The following RNF31 variants were observed in gnomAD, a reference collection of about 807,000 sequenced individuals.
RNF31 encodes the protein ring finger protein 31.
RNF31 carries 38 observed loss-of-function variants against 133.6 expected under a neutral mutation model. The ratio of observed to expected loss-of-function variants is 0.28; its 90% CI spans 0.22 to 0.37. The LOEUF (loss-of-function observed/expected upper bound fraction) is 0.37. Among genes scored for constraint, RNF31 ranks in the 10% least tolerant of loss-of-function variants. The pLI is 1.00. For synonymous variants in RNF31, 582 were observed against 552.3 expected, an observed-to-expected ratio of 1.05 and a Z score of -0.75; for missense variants, 1,118 against 1,394.1, an observed-to-expected ratio of 0.80 and a Z score of 3.15.
At position 24,148,448 on chromosome 14, in the gene RNF31, A is replaced by AC. The variant is rs780789809; in HGVS notation, c.495+37dup. The AC allele has an allele frequency of 6.8e-6, 11 of 1,613,576 alleles. No individual in the cohort carries two copies. In the South Asian group the frequency reaches 1.2e-4, roughly 18 times the overall value. On this transcript the variant is annotated intron_variant, in intron 3 of 20. Coordinates refer to ENST00000324103, the MANE Select transcript of RNF31 (RefSeq NM_017999.5). ...TCCTCTAGTCTTGATGGACTTATGC[A>AC]CCAGGGCTGGGGAGCCCAGCCTAAC...
chr14:24,151,195 A>G lies in RNF31; in HGVS notation c.1553A>G (p.Glu518Gly), dbSNP rs2038260369. The G allele has an allele frequency of 6.2e-7, 1 of 1,614,006 alleles. No homozygotes were observed. The highest frequency in any genetic ancestry group is 1.3e-5 in the African/African-American group (1 of 74,920). Residue 518 changes from glutamate to glycine, a missense_variant, in exon 9 of 21, where the codon GAG becomes GGG. By Grantham distance (98) the Glu-to-Gly change is moderately conservative. This residue lies in a region of RNF31 where 747 missense variants were observed against 827.9 expected (regional missense o/e 0.90). Transcript: ENST00000324103. The surrounding 1 kb of genome is among the most constrained non-coding windows in gnomAD (Gnocchi z 5.3). ...IFSALQYSGT[E>G]VPLQWLRSEL... ...TCGGCTCTGCAGTACTCGGGCACTG[A>G]GGTGCCTCTGCAGTGGTTGCGCTCA...
upstream of RNF31, chr14:24,147,394 G>GC (rs913646476): frequency 2.1e-5 from 6 of 286,918 alleles, no homozygotes; most frequent in African/African-American, 1.1e-4. Context: ...TTGGGACCTG[G>GC]CCCTCCCTCT....
chr14:24,149,256 C>G, intron 5 of RNF31, 150 bp from the exon 6 acceptor site: 1 of 824,222 alleles, frequency 1.2e-6, no homozygotes, highest in Non-Finnish European at 1.9e-6. Flanking sequence ...AGCCACCACG[C>G]CCGGCCTCTT....
chr14:24,153,469 CGA>C (rs899213449), intron 11 of RNF31, among the ~76,000 whole-genome samples: 1 of 151,534 alleles, frequency 6.6e-6, no homozygotes, highest in African/African-American at 2.4e-5. Context: ...CCCAGCTACT[CGA>C]GAGGCTAAGG....
At chr14:24,156,701 C>T (rs1327315632) in intron 14 of RNF31, among the ~76,000 whole-genome samples, 3 of 151,982 alleles carry the variant, frequency 2.0e-5, no homozygotes, top group African/African-American at 7.3e-5. Context: ...ATCGCTTGAA[C>T]CCAGGAGGTG....
intron 18 of RNF31, 95 bp downstream of exon 18, chr14:24,158,294 G>T (rs1299101942): frequency 1.7e-6 from 2 of 1,198,834 alleles, no homozygotes; most frequent in Admixed American, 3.8e-5. Flanking sequence ...GGGGTCACTT[G>T]TTGCATGCCC....
At chr14:24,147,411 CG>C, upstream of RNF31, 1 of 309,114 alleles carries the variant, frequency 3.2e-6, no homozygotes, top group Non-Finnish European at 5.9e-6. Flanking sequence ...CTCTTGGCCG[CG>C]CCCCCTGGTT....
chr14:24,157,144 G>A (rs926753606), intron 14 of RNF31, 146 bp from the exon 15 acceptor site: 3 of 598,824 alleles, frequency 5.0e-6, no homozygotes, highest in Non-Finnish European at 8.9e-6. Context: ...ACCAAGGATG[G>A]CCTCTCATTT....
intron 5 of RNF31, 33 bp from the exon 6 acceptor site, chr14:24,149,373 T>C (rs1308911720): frequency 1.3e-6 from 2 of 1,596,520 alleles, no homozygotes; most frequent in East Asian, 2.2e-5. Context: ...CTGGTCTTTT[T>C]TGGAAAGATG....
At position 24,155,177 on chromosome 14, in the gene RNF31, T is replaced by C; in HGVS notation, c.2151T>C (p.Cys717=). ...TCCAGATGCAGGCCCTGACTTCCTG[T>C]GAGTGCACCATCTGTCCTGACTGCT... ...PHNRMQALTS[C]ECTICPDCFR... The change falls in exon 12 of 21, where the codon TGT becomes TGC. Residue 717 remains cysteine (C), a synonymous_variant. Coordinates refer to ENST00000324103, the MANE Select transcript of RNF31 (RefSeq NM_017999.5). This position sits in a 1 kb window ranked among gnomAD's most constrained non-coding sequence, Gnocchi z 4.9. 3 of 1,614,048 alleles carry C rather than the reference T, an allele frequency of 1.9e-6. No individual in the cohort carries two copies. The South Asian group carries it at 3.3e-5, about 18-fold the overall frequency.
Position 24,148,005 on chromosome 14 carries a change from G to A in RNF31, c.222G>A (p.Thr74=). Residue 74 remains threonine, a synonymous_variant, in exon 2 of 21, where the codon ACG becomes ACA. Transcript: ENST00000324103. ...EPRNYLNTLS[T]ALNILEKYGR... Reference sequence around the variant, plus strand: ...GAAACTACCTCAACACCCTGTCCACGGCTCTGAACATCCTGGAGAAATACG... The same window carrying A: ...GAAACTACCTCAACACCCTGTCCACAGCTCTGAACATCCTGGAGAAATACG... 6.2e-7 allele frequency: 1 copy of A among 1,614,194 alleles called. No individual in the cohort carries two copies. The highest frequency in any genetic ancestry group is 8.5e-7 in the Non-Finnish European group (1 of 1,180,022).
In RNF31 at chr14:24,150,044, C is replaced by T; in HGVS notation, c.810-17C>T. 2 of 1,540,432 alleles carry T rather than the reference C, an allele frequency of 1.3e-6. No individual in the cohort carries two copies. Among genetic ancestry groups the T allele is most frequent in the African/African-American group, 2.7e-5 (2 of 73,470 alleles). On this transcript the variant is annotated splice_polypyrimidine_tract_variant and intron_variant, in intron 6 of 20. Coordinates refer to ENST00000324103, the MANE Select transcript of RNF31 (RefSeq NM_017999.5). ...CAGGTGCCACTTCAGCAGGCCATGT[C>T]TGCTTTTCCATTACAGTTTACCTGC... is the stretch of plus-strand genomic sequence containing the variant.
rs149481717 is a variant in RNF31 at position 24,151,612 on chromosome 14, A to T, written c.1865A>T (p.Gln622Leu). ...LQRQRLEPFR[Q>L]RLWDSGPEPT... Reference sequence around the variant, plus strand: ...CGCCAACGCCTAGAGCCCTTCCGCCAGCGCCTCTGGGACAGTGGCCCTGAG... The same window carrying T: ...CGCCAACGCCTAGAGCCCTTCCGCCTGCGCCTCTGGGACAGTGGCCCTGAG... Residue 622 changes from glutamine (Q) to leucine (L), a missense_variant, in exon 10 of 21, where the codon CAG becomes CTG. Physicochemically the swap from Gln to Leu is moderately radical, Grantham distance 113. Around this residue, in one of 3 missense-constraint regions of RNF31, gnomAD observed 747 missense variants for 827.9 expected, o/e 0.90. Coordinates refer to ENST00000324103, the MANE Select transcript of RNF31 (RefSeq NM_017999.5). This position sits in a 1 kb window ranked among gnomAD's most constrained non-coding sequence, Gnocchi z 5.3. 6,162 of 1,613,652 alleles carry T rather than the reference A, an allele frequency of 3.8e-3. 22 individuals are homozygous for T. The highest frequency in any genetic ancestry group is 4.7e-3 in the Non-Finnish European group (5,550 of 1,180,020).
upstream of RNF31, chr14:24,146,999 G>C (rs987676197): frequency 4.1e-6 from 1 of 243,238 alleles, no homozygotes; most frequent in Non-Finnish European, 8.2e-6. Context: ...AGAGAGATCA[G>C]AGCGAGTGGG....
Position 24,151,173 on chromosome 14 carries a change from G to C in RNF31, c.1531G>C (p.Ala511Pro). 6.2e-7 allele frequency: 1 copy of C among 1,614,160 alleles called. No homozygotes were observed. Among genetic ancestry groups the C allele is most frequent in the African/African-American group, 1.3e-5 (1 of 75,076 alleles). Residue 511 changes from alanine (A) to proline (P), a missense_variant, in exon 9 of 21, where the codon GCT (alanine) becomes CCT (proline). Ala to Pro is a conservative substitution (Grantham distance 27). Transcript: ENST00000324103. The surrounding 1 kb of genome is among the most constrained non-coding windows in gnomAD (Gnocchi z 5.3). Reference sequence around the variant, plus strand: ...TGCCTGTCCAGAGGAGATCTTCTCGGCTCTGCAGTACTCGGGCACTGAGGT... The same window carrying C: ...TGCCTGTCCAGAGGAGATCTTCTCGCCTCTGCAGTACTCGGGCACTGAGGT... ...AGACPEEIFS[A>P]LQYSGTEVPL...
intron 18 of RNF31, among the ~76,000 whole-genome samples, chr14:24,159,453 A>G (rs952579507): frequency 7.2e-5 from 11 of 151,916 alleles, no homozygotes; most frequent in Non-Finnish European, 1.6e-4. Context: ...CAAGAGGATT[A>G]CTTGAGCCCA....
chr14:24,152,650 C>T (rs941577908), intron 11 of RNF31, among the ~76,000 whole-genome samples: 7 of 152,158 alleles, frequency 4.6e-5, no homozygotes, highest in African/African-American at 1.2e-4. Flanking sequence ...AGCTCTTGAC[C>T]TCTACAATTA....
Position 24,155,759 on chromosome 14 carries a change from G to A in RNF31, c.2493+67G>A. ...TGCCAGGTACTGTGTTAGACTCAGG[G>A]GAGTTTGTGTACTGGAGAGCAAAAC... On this transcript the variant is annotated intron_variant, in intron 14 of 20. Coordinates refer to ENST00000324103, the MANE Select transcript of RNF31 (RefSeq NM_017999.5). This position sits in a 1 kb window ranked among gnomAD's most constrained non-coding sequence, Gnocchi z 4.9. 3 of 1,442,390 alleles carry A rather than the reference G, an allele frequency of 2.1e-6. No individual in the cohort carries two copies. The highest frequency in any genetic ancestry group is 1.9e-6 in the Non-Finnish European group (2 of 1,029,350). The allele number at this position is 1,442,390 out of a possible 1,614,324, so 89.3% of individuals were successfully genotyped here. A position where few individuals can be genotyped will look rare whatever the true frequency, so the allele number is the denominator to read the frequency against.
rs1381280925 is a variant in RNF31, at chr14:24,147,528, C to T, written c.-171C>T. ...ACTTCCTGTTCTCGGCTAACCCTGG[C>T]GCTGGGCCGGGGGCTGGAGAGTGAC... On this transcript the variant is annotated 5_prime_UTR_variant, in exon 1 of 21. Transcript: ENST00000324103. 4 of 506,658 alleles carry T rather than the reference C, an allele frequency of 7.9e-6. No homozygotes were observed. Among genetic ancestry groups the T allele is most frequent in the South Asian group, 4.5e-5 (1 of 22,422 alleles). 31.4% of individuals were successfully genotyped at this position (506,658 alleles called of 1,614,324 possible).
Sources: allele counts gnomAD v4.1 joint callset (sites outside exome capture counted in the v4.1 genomes callset), GRCh38; gene constraint gnomAD v4.1.1; regional missense constraint gnomAD v4.1.1; non-coding constraint Gnocchi (gnomAD v3.1); transcripts MANE v1.5; gene names NCBI Gene and HGNC (gene_info 2026-07-23, HGNC 2026-07-21).